Variants in WNT3 observed in about 807,000 individuals in gnomAD.
The protein encoded by WNT3 is Wnt family member 3, also known as proto-oncogene Wnt-3.
A neutral mutation model predicts 34.2 loss-of-function variants in WNT3; 7 were observed. That is an observed-to-expected ratio of 0.20 (90% CI 0.12 to 0.38). The LOEUF is 0.38. WNT3 is among the 10% of genes least tolerant of loss of function. WNT3 has a pLI of 1.00. For missense variants in WNT3, 267 were observed against 499.8 expected, an observed-to-expected ratio of 0.53 and a Z score of 4.44; for synonymous variants, 212 against 211.5, an observed-to-expected ratio of 1.00 and a Z score of -0.02.
At chr17:46,811,606 G>GGCA (rs1778276274) in intron 1 of WNT3, among the ~76,000 whole-genome samples, 1 of 152,118 alleles carries the variant, frequency 6.6e-6, no homozygotes, top group South Asian at 2.1e-4. Context: ...GGCCCTCCCA[G>GGCA]GCAGCAGCAG....
chr17:46,812,725 A>AG lies in WNT3; in HGVS notation c.80+5792dup, dbSNP rs555450732. 4.3e-3 allele frequency among the ~76,000 whole-genome samples: 654 copies of AG among 152,296 alleles called. 3 individuals carry two copies. The highest frequency in any genetic ancestry group is 6.9e-3 in the Non-Finnish European group (470 of 68,026). On this transcript the variant is annotated intron_variant, in intron 1 of 4. Coordinates refer to ENST00000225512, the MANE Select transcript of WNT3 (RefSeq NM_030753.5). Reference sequence around the variant, plus strand: ...GGGGCAAACAGGCAAAAAGAAGAAAAGGGGAAAACAGAGCCAGGTGGGGCA... The same window carrying AG: ...GGGGCAAACAGGCAAAAAGAAGAAAAGGGGGAAAACAGAGCCAGGTGGGGCA...
At chr17:46,786,422 G>A (rs1344013835) in intron 1 of WNT3, among the ~76,000 whole-genome samples, 1 of 152,236 alleles carries the variant, frequency 6.6e-6, no homozygotes. Context: ...GGATTCACAG[G>A]GAAGGGCCTA....
In WNT3 at chr17:46,769,994, G is replaced by A. The variant is rs1339718933; in HGVS notation, c.377C>T (p.Ala126Val). 1.2e-6 allele frequency: 2 copies of A among 1,604,510 alleles called. No homozygotes were observed. Among genetic ancestry groups the A allele is most frequent in the East Asian group, 2.2e-5 (1 of 44,570 alleles). ...HAIASAGVAF[A>V]VTRSCAEGTS... The stretch of plus-strand genomic sequence containing the variant: ...GCCCTCGGCGCAGGAGCGGGTGACG[G>A]CGAAGGCCACGCCGGCCGAGGCGAT... The change falls in exon 3 of 5, where the codon GCC becomes GTC. Residue 126 changes from alanine (A) to valine (V), a missense_variant. By Grantham distance (64) the Ala-to-Val change is moderately conservative. Coordinates refer to ENST00000225512, the MANE Select transcript of WNT3 (RefSeq NM_030753.5).
At chr17:46,784,991 A>G (rs1335822174) in intron 1 of WNT3, among the ~76,000 whole-genome samples, 2 of 151,860 alleles carry the variant, frequency 1.3e-5, no homozygotes, top group Admixed American at 6.6e-5. Flanking sequence ...GTTAGCCAGG[A>G]TGGTCTCGAT....
At chr17:46,818,296 T>C (rs886826244) in intron 1 of WNT3, among the ~76,000 whole-genome samples, 1 of 150,428 alleles carries the variant, frequency 6.6e-6, no homozygotes, top group Non-Finnish European at 1.5e-5. Context: ...CTCCAGCCCC[T>C]GCAGCGGGGA....
intron 1 of WNT3, among the ~76,000 whole-genome samples, chr17:46,816,809 C>A (rs1207139611): frequency 6.6e-6 from 1 of 152,206 alleles, no homozygotes; most frequent in African/African-American, 2.4e-5. Flanking sequence ...CCTCCCCCAA[C>A]CCACCAGAGT....
In WNT3 at chr17:46,768,689, G is replaced by A. The variant is rs1056020035; in HGVS notation, c.699C>T (p.Phe233=). 3 of 1,614,126 alleles carry A rather than the reference G, an allele frequency of 1.9e-6. No homozygotes were observed. The highest frequency in any genetic ancestry group is 2.5e-6 in the Non-Finnish European group (3 of 1,180,044). Residue 233 remains phenylalanine, a synonymous_variant, in exon 4 of 5, where the codon TTC becomes TTT. Coordinates refer to ENST00000225512, the MANE Select transcript of WNT3 (RefSeq NM_030753.5). This position sits in a 1 kb window ranked among gnomAD's most constrained non-coding sequence, Gnocchi z 5.0. The part of the protein sequence containing the change: ...AQPDFRAIGD[F]LKDKYDSASE... The stretch of plus-strand genomic sequence containing the variant: ...AGGCGCTGTCATACTTGTCCTTGAG[G>A]AAGTCACCGATGGCACGGAAGTCAG...
rs1017051277 is a variant in WNT3 at position 46,818,383 on chromosome 17, T to G, written c.80+135A>C. The G allele has an allele frequency of 1.0e-5, 7 of 669,942 alleles. No individual in the cohort carries two copies. The African/African-American group carries it at 2.3e-4, about 22-fold the overall frequency. The allele number at this position is 669,942 out of a possible 1,614,324, so 41.5% of individuals were successfully genotyped here. ...ACACCAGCAGAAAATCCAGGAGGGG[T>G]GGGCGGGTGGGGGGCTGGAGGGAGG... On this transcript the variant is annotated intron_variant, in intron 1 of 4. Coordinates refer to ENST00000225512, the MANE Select transcript of WNT3 (RefSeq NM_030753.5).
Position 46,768,267 on chromosome 17 carries a change from C to T in WNT3, c.*8+45G>A. ...CGAGATGGGCAAACAACCCCATTCC[C>T]TGCGCCCAGGCTCCCAGCCTCCCCC... On this transcript the variant is annotated intron_variant, in intron 4 of 4. Coordinates refer to ENST00000225512, the MANE Select transcript of WNT3 (RefSeq NM_030753.5). The surrounding 1 kb of genome is among the most constrained non-coding windows in gnomAD (Gnocchi z 5.0). 6.2e-7 allele frequency: 1 copy of T among 1,610,846 alleles called. No individual in the cohort carries two copies. The highest frequency in any genetic ancestry group is 1.1e-5 in the South Asian group (1 of 90,972).
Position 46,768,072 on chromosome 17 carries a change from G to C in WNT3, c.*8+240C>G, listed in dbSNP as rs184112757. Among the ~76,000 whole-genome samples, 1 of 152,332 alleles carries C rather than the reference G, an allele frequency of 6.6e-6. No individual in the cohort carries two copies. The highest frequency in any genetic ancestry group is 1.9e-4 in the East Asian group (1 of 5,178). On this transcript the variant is annotated intron_variant, in intron 4 of 4. Coordinates refer to ENST00000225512, the MANE Select transcript of WNT3 (RefSeq NM_030753.5). This position sits in a 1 kb window ranked among gnomAD's most constrained non-coding sequence, Gnocchi z 5.0. ...CAAAGTGCTGGGATTACAGGCGTGA[G>C]CCACCGCACCCGGCCAACACTGGGT...
In WNT3 at chr17:46,801,872, C is replaced by T. The variant is rs191617761; in HGVS notation, c.80+16646G>A. On this transcript the variant is annotated intron_variant, in intron 1 of 4. Transcript: ENST00000225512. Reference sequence around the variant, plus strand: ...CCTTCTTCCCGATGCTGTGCCAGTTCGACCCTAGTGGAACTGTTTCCCCGC... The same window carrying T: ...CCTTCTTCCCGATGCTGTGCCAGTTTGACCCTAGTGGAACTGTTTCCCCGC... 1.8e-4 allele frequency among the ~76,000 whole-genome samples: 27 copies of T among 152,240 alleles called. 1 individual carries two copies. The highest frequency in any genetic ancestry group is 6.0e-4 in the African/African-American group (25 of 41,536).
At chr17:46,808,699 A>G (rs2084229372) in intron 1 of WNT3, among the ~76,000 whole-genome samples, 1 of 152,220 alleles carries the variant, frequency 6.6e-6, no homozygotes, top group Non-Finnish European at 1.5e-5. Flanking sequence ...GCCAATTGCA[A>G]TCTTAAAATT....
intron 1 of WNT3, among the ~76,000 whole-genome samples, chr17:46,810,246 G>C (rs2084256153): frequency 6.6e-6 from 1 of 152,042 alleles, no homozygotes; most frequent in Non-Finnish European, 1.5e-5. Flanking sequence ...GACCTCAGGT[G>C]ATCCACCCGC....
At chr17:46,809,907 A>G (rs1333088899) in intron 1 of WNT3, among the ~76,000 whole-genome samples, 2 of 150,542 alleles carry the variant, frequency 1.3e-5, no homozygotes, top group African/African-American at 4.9e-5. Context: ...GGAAATATCA[A>G]CTCCTCAAGC....
rs114672308 is a variant in WNT3, at chr17:46,793,078, G to A, written c.81-19169C>T. Among the ~76,000 whole-genome samples, 939 of 145,606 alleles carry A rather than the reference G, an allele frequency of 6.4e-3. 10 individuals carry two copies. Among genetic ancestry groups the A allele is most frequent in the African/African-American group, 0.023 (892 of 39,182 alleles). On this transcript the variant is annotated intron_variant, in intron 1 of 4. Transcript: ENST00000225512. ...TCAGGTGTTCAAGACTAGCCTAGCC[G>A]AGAAAGCAAGACCTTGTTTCTACTA...
intron 1 of WNT3, among the ~76,000 whole-genome samples, chr17:46,798,775 C>T (rs1003241321): frequency 7.2e-5 from 11 of 152,124 alleles, no homozygotes; most frequent in South Asian, 2.1e-4. Context: ...ATAGGCTGGG[C>T]GCAGTGGCTC....
chr17:46,802,505 T>A (rs2084138364), intron 1 of WNT3, among the ~76,000 whole-genome samples: 1 of 152,170 alleles, frequency 6.6e-6, no homozygotes, highest in South Asian at 2.1e-4. Flanking sequence ...TGACCTCAGA[T>A]GATCCACCTG....
intron 1 of WNT3, among the ~76,000 whole-genome samples, chr17:46,801,090 A>G (rs1365890829): frequency 1.3e-5 from 2 of 152,174 alleles, no homozygotes; most frequent in Non-Finnish European, 2.9e-5. Flanking sequence ...TCATCCTCAC[A>G]ATAGCCCTCG....
chr17:46,815,037 G>T (rs866768721), intron 1 of WNT3, among the ~76,000 whole-genome samples: 23 of 152,248 alleles, frequency 1.5e-4, no homozygotes, highest in African/African-American at 5.1e-4. Context: ...ACCCAGATGG[G>T]TGGCCACTGG....
Sources: allele counts gnomAD v4.1 joint callset (sites outside exome capture counted in the v4.1 genomes callset), GRCh38; gene constraint gnomAD v4.1.1; non-coding constraint Gnocchi (gnomAD v3.1); transcripts MANE v1.5; gene names NCBI Gene and HGNC (gene_info 2026-07-23, HGNC 2026-07-21).